Variants in ALDH18A1 observed in about 807,000 individuals in gnomAD.
The protein encoded by ALDH18A1 is aldehyde dehydrogenase 18 family member A1.
Under a neutral mutation model 88.8 loss-of-function variants are expected in ALDH18A1, and 44 were observed. The observed-to-expected ratio is 0.50, with a 90% CI of 0.39 to 0.64. The LOEUF (loss-of-function observed/expected upper bound fraction) is 0.64, where lower values mean the gene tolerates loss of function less well. Ranked by LOEUF, ALDH18A1 falls within the 30% of genes least tolerant of loss-of-function variation. The pLI is 0.00. For missense variants in ALDH18A1, 782 were observed against 1,009.5 expected, an observed-to-expected ratio of 0.77 and a Z score of 3.05; for synonymous variants, 331 against 372.1, an observed-to-expected ratio of 0.89 and a Z score of 1.27.
At chr10:95,649,639 G>C (rs979193223) in intron 2 of ALDH18A1, among the ~76,000 whole-genome samples, 21 of 152,062 alleles carry the variant, frequency 1.4e-4, no homozygotes, top group African/African-American at 4.8e-4. Context: ...ACAGGCGTGA[G>C]CCATCAGGCC....
chr10:95,634,480 G>C (rs137881934), intron 5 of ALDH18A1, among the ~76,000 whole-genome samples: 32 of 152,318 alleles, frequency 2.1e-4, no homozygotes, highest in Non-Finnish European at 3.7e-4. Context: ...TTTGGTGAGT[G>C]AGTGAAAGTG....
At chr10:95,638,560 A>G (rs926026518) in intron 3 of ALDH18A1, among the ~76,000 whole-genome samples, 1 of 152,206 alleles carries the variant, frequency 6.6e-6, no homozygotes, top group Non-Finnish European at 1.5e-5. Flanking sequence ...AATGCAACGC[A>G]GACTCAGTAG....
chr10:95,622,250 T>C (rs954922782), intron 11 of ALDH18A1, among the ~76,000 whole-genome samples: 1 of 152,200 alleles, frequency 6.6e-6, no homozygotes, highest in African/African-American at 2.4e-5. Context: ...CAGGCTAGAC[T>C]GCAGTGGTGC....
At chr10:95,630,500 G>A (rs1230189989) in intron 7 of ALDH18A1, among the ~76,000 whole-genome samples, 1 of 152,138 alleles carries the variant, frequency 6.6e-6, no homozygotes, top group Non-Finnish European at 1.5e-5. Context: ...ATCACGAGGT[G>A]AGGAGTTCAA....
At position 95,633,654 on chromosome 10, in the gene ALDH18A1, A is replaced by C; in HGVS notation, c.559-5T>G. ...ATCCAAATTGGTCACCAAAATCTAA[A>C]AGGATTAAATAGATGGAAAATGCAT... On this transcript the variant is annotated splice_polypyrimidine_tract_variant and splice_region_variant and intron_variant, in intron 5 of 17. Coordinates refer to ENST00000371224, the MANE Select transcript of ALDH18A1 (RefSeq NM_002860.4). 1 of 1,613,984 alleles carries C rather than the reference A, an allele frequency of 6.2e-7. No individual in the cohort carries two copies. Among genetic ancestry groups the C allele is most frequent in the South Asian group, 1.1e-5 (1 of 91,070 alleles).
chr10:95,653,385 T>C lies in ALDH18A1; in HGVS notation c.-8A>G, dbSNP rs2097913424. The C allele has an allele frequency of 1.2e-6, 2 of 1,613,522 alleles. No individual in the cohort carries two copies. Among genetic ancestry groups the C allele is most frequent in the Non-Finnish European group, 1.7e-6 (2 of 1,179,926 alleles). On this transcript the variant is annotated 5_prime_UTR_variant, in exon 2 of 18. Transcript: ENST00000371224. ...GTAAACTTGACTCAACATGCTGCGA[T>C]GTGGTCACTAACCAAAGTATCTGCA...
At chr10:95,653,268 A>C in intron 2 of ALDH18A1, 22 bp downstream of exon 2, 2 of 1,584,366 alleles carry the variant, frequency 1.3e-6, no homozygotes, top group African/African-American at 1.4e-5. Context: ...CCACATACTC[A>C]TAAGTTTTCT....
Position 95,633,408 on chromosome 10 carries a change from C to A in ALDH18A1, c.717+83G>T. On this transcript the variant is annotated intron_variant, in intron 6 of 17. Coordinates refer to ENST00000371224, the MANE Select transcript of ALDH18A1 (RefSeq NM_002860.4). Reference sequence around the variant, plus strand: ...TCACAACTTTTCCATCTTGTTTATGCCAAACTTCTGGTGTTAGTGCATGCA... The same window carrying A: ...TCACAACTTTTCCATCTTGTTTATGACAAACTTCTGGTGTTAGTGCATGCA... 3 of 1,540,276 alleles carry A rather than the reference C, an allele frequency of 1.9e-6. No individual in the cohort carries two copies. The South Asian group carries it at 3.6e-5, about 18-fold the overall frequency.
intron 17 of ALDH18A1, among the ~76,000 whole-genome samples, chr10:95,609,767 C>CTTTT (rs1193875091): frequency 3.3e-5 from 1 of 30,696 alleles, no homozygotes. Context: ...AAGTCTGTCT[C>CTTTT]TATTTTTTTT....
chr10:95,610,846 T>C (rs994758239), intron 16 of ALDH18A1, among the ~76,000 whole-genome samples: 82 of 152,182 alleles, frequency 5.4e-4, no homozygotes, highest in African/African-American at 1.8e-3. Flanking sequence ...TCCTCCACCA[T>C]TGAGGCTCCA....
At chr10:95,636,339 AT>A (rs2097880594) in intron 5 of ALDH18A1, among the ~76,000 whole-genome samples, 2 of 151,840 alleles carry the variant, frequency 1.3e-5, no homozygotes, top group Non-Finnish European at 2.9e-5. Flanking sequence ...TGGGAGTTAG[AT>A]TTTTTTTTCA....
At chr10:95,630,098 A>C (rs2097866154) in intron 7 of ALDH18A1, among the ~76,000 whole-genome samples, 1 of 137,900 alleles carries the variant, frequency 7.3e-6, no homozygotes, top group African/African-American at 2.5e-5. Context: ...AACTAAAAAA[A>C]ATATTTCTTC....
chr10:95,654,452 A>G (rs2097914903), intron 1 of ALDH18A1, among the ~76,000 whole-genome samples: 1 of 152,088 alleles, frequency 6.6e-6, no homozygotes, highest in African/African-American at 2.4e-5. Flanking sequence ...TGCTACAGAG[A>G]CACTGCTATT....
At chr10:95,610,030 A>G (rs1292616309) in intron 17 of ALDH18A1, among the ~76,000 whole-genome samples, 167 bp downstream of exon 17, 1 of 152,034 alleles carries the variant, frequency 6.6e-6, no homozygotes, top group African/African-American at 2.4e-5. Context: ...TCGGCCTCCC[A>G]AAGTGCTGGG....
chr10:95,648,320 TTCATCATCA>T (rs56238714), intron 2 of ALDH18A1, among the ~76,000 whole-genome samples: 42,796 of 150,644 alleles, frequency 0.28, 6,707 homozygotes, highest in East Asian at 0.69. Context: ...ATATTCTACC[TTCATCATCA>T]TCATCATCAT....
At position 95,650,960 on chromosome 10, in the gene ALDH18A1, C is replaced by T. The variant is rs755249695; in HGVS notation, c.88+2330G>A. ...ACCAGCCTGGCCAACATGGTAAAAC[C>T]CTGTTTCTACTAAAAATACAAAAAC... On this transcript the variant is annotated intron_variant, in intron 2 of 17. Coordinates refer to ENST00000371224, the MANE Select transcript of ALDH18A1 (RefSeq NM_002860.4). Among the ~76,000 whole-genome samples, 37 of 152,138 alleles carry T rather than the reference C, an allele frequency of 2.4e-4. 1 individual carries two copies. Among genetic ancestry groups the T allele is most frequent in the Admixed American group, 8.5e-4 (13 of 15,292 alleles).
intron 4 of ALDH18A1, 23 bp from the exon 5 acceptor site, chr10:95,637,220 G>T (rs760266321): frequency 6.2e-7 from 1 of 1,614,214 alleles, no homozygotes; most frequent in Non-Finnish European, 8.5e-7. Flanking sequence ...AATGAGACAA[G>T]GTGTGGTAGG....
chr10:95,612,629 C>A (rs182452515), intron 15 of ALDH18A1, among the ~76,000 whole-genome samples: 24 of 152,302 alleles, frequency 1.6e-4, no homozygotes, highest in Admixed American at 1.4e-3. Flanking sequence ...ATGAAGTACA[C>A]ACAGTGACTC....
rs377706078 is a variant in ALDH18A1 at position 95,613,766 on chromosome 10, G to C, written c.1899C>G (p.Ile633Met). The change falls in exon 15 of 18, where the codon ATC (isoleucine) becomes ATG (methionine). Residue 633 changes from isoleucine (I) to methionine (M), a missense_variant. This residue lies in a region of ALDH18A1 where 556 missense variants were observed against 654.5 expected (regional missense o/e 0.85). Transcript: ENST00000371224. ...CCTGTTCCACTCTCAGCATATCAAT[G>C]ATCTGGTCAAATAATGGTGTCCTGA... ...DLLRTPLFDQIIDMLRVEQVK... is the reference protein window; with the variant it reads ...DLLRTPLFDQMIDMLRVEQVK... The C allele has an allele frequency of 6.2e-7, 1 of 1,614,134 alleles. No individual in the cohort carries two copies. The highest frequency in any genetic ancestry group is 1.1e-5 in the South Asian group (1 of 91,082).
Sources: allele counts gnomAD v4.1 joint callset (sites outside exome capture counted in the v4.1 genomes callset), GRCh38; gene constraint gnomAD v4.1.1; regional missense constraint gnomAD v4.1.1; transcripts MANE v1.5; gene names NCBI Gene and HGNC (gene_info 2026-07-23, HGNC 2026-07-21).